MALRD1: variants seen among roughly 807,000 people sequenced by gnomAD.
The protein encoded by MALRD1 is MAM and LDL-receptor class A domain-containing protein 1.
A neutral mutation model predicts 242.1 loss-of-function variants in MALRD1; 247 were observed. The observed-to-expected ratio is 1.02, with a 90% CI of 0.92 to 1.13. The LOEUF (loss-of-function observed/expected upper bound fraction) is 1.13. Among genes scored for constraint, MALRD1 ranks in the 50% most tolerant of loss-of-function variants. MALRD1 has a pLI of 0.00. For missense variants in MALRD1, 2,989 were observed against 2,533.1 expected (o/e 1.18, Z -3.86); for synonymous variants, 995 against 866.6 (o/e 1.15, Z -2.60).
chr10:19,728,763 C>T (rs1309767728), intron 38 of MALRD1, among the ~76,000 whole-genome samples: 2 of 152,142 alleles, frequency 1.3e-5, no homozygotes, highest in Non-Finnish European at 2.9e-5. Flanking sequence ...TATTTTGATG[C>T]ATTTCAAAAC....
At chr10:19,485,511 C>T (rs1004720092) in intron 29 of MALRD1, among the ~76,000 whole-genome samples, 9 of 151,778 alleles carry the variant, frequency 5.9e-5, no homozygotes, top group East Asian at 3.9e-4. Context: ...GGCGTGGTGG[C>T]GGGCACCTGT....
intron 18 of MALRD1, among the ~76,000 whole-genome samples, chr10:19,235,231 C>G (rs1162002581): frequency 3.9e-5 from 6 of 152,062 alleles, no homozygotes; most frequent in South Asian, 2.1e-4. Context: ...AGGGCTATAG[C>G]TAAAAATATA....
chr10:19,728,066 T>C (rs570398799), intron 38 of MALRD1, among the ~76,000 whole-genome samples: 1 of 152,266 alleles, frequency 6.6e-6, no homozygotes, highest in South Asian at 2.1e-4. Context: ...AAAATTTAAG[T>C]CTAATAGTCC....
chr10:19,639,993 T>C (rs957333708), intron 36 of MALRD1, among the ~76,000 whole-genome samples: 2 of 152,166 alleles, frequency 1.3e-5, no homozygotes, highest in African/African-American at 4.8e-5. Context: ...GTCAAGTCAC[T>C]TTCTTTCCCC....
chr10:19,240,609 T>C (rs1208980230), intron 18 of MALRD1, among the ~76,000 whole-genome samples: 1 of 152,062 alleles, frequency 6.6e-6, no homozygotes, highest in Non-Finnish European at 1.5e-5. Context: ...CTATGCTAAA[T>C]AGAAGTGGTA....
chr10:19,626,742 AT>A, intron 36 of MALRD1, among the ~76,000 whole-genome samples: 1 of 152,034 alleles, frequency 6.6e-6, no homozygotes, highest in East Asian at 1.9e-4. Flanking sequence ...AAAAAAAAAA[AT>A]GAACAAACCA....
In MALRD1 at chr10:19,146,203, C is replaced by T; in HGVS notation, c.1417C>T (p.His473Tyr). 7 of 1,231,650 alleles carry T rather than the reference C, an allele frequency of 5.7e-6. No homozygotes were observed. Among genetic ancestry groups the T allele is most frequent in the Non-Finnish European group, 7.1e-6 (7 of 987,922 alleles). 76.3% of individuals were successfully genotyped at this position (1,231,650 alleles called of 1,614,324 possible). A position where few individuals can be genotyped will look rare whatever the true frequency, so the allele number is the denominator to read the frequency against. ...SDEDPATCSK[H>Y]LTCDFESGFC... Reference sequence around the variant, plus strand: ...TTCTCTTCTACGTGTAACAGCAAAGCATCTCACCTGTGACTTTGAGTCGGG... The same window carrying T: ...TTCTCTTCTACGTGTAACAGCAAAGTATCTCACCTGTGACTTTGAGTCGGG... The change falls in exon 11 of 40, where the codon CAT (histidine) becomes TAT (tyrosine). Residue 473 changes from histidine to tyrosine, a missense_variant. By Grantham distance (83) the His-to-Tyr change is moderately conservative. Transcript: ENST00000454679.
chr10:19,281,091 G>GA (rs1337873596), intron 20 of MALRD1, among the ~76,000 whole-genome samples: 5 of 151,548 alleles, frequency 3.3e-5, no homozygotes, highest in East Asian at 1.9e-4. Context: ...TTTTAATCTA[G>GA]AAAAAAATGT....
At chr10:19,344,608 C>T (rs1844026780) in intron 24 of MALRD1, among the ~76,000 whole-genome samples, 2 of 150,896 alleles carry the variant, frequency 1.3e-5, no homozygotes, top group South Asian at 2.1e-4. Context: ...TCTTCTTATA[C>T]AAAATTGTTT....
intron 21 of MALRD1, among the ~76,000 whole-genome samples, chr10:19,286,230 T>A (rs969023891): frequency 6.7e-6 from 1 of 149,970 alleles, no homozygotes; most frequent in Non-Finnish European, 1.5e-5. Flanking sequence ...CTTTTCCTAA[T>A]TGAATACCTT....
chr10:19,709,243 T>TAAAAAAAAAAAAAAAAAAAAAAAAAAAAA (rs557818453), intron 38 of MALRD1, among the ~76,000 whole-genome samples: 1 of 105,970 alleles, frequency 9.4e-6, no homozygotes, highest in African/African-American at 3.6e-5. Flanking sequence ...CCGTCTGTAC[T>TAAAAAAAAAAAAAAAAAAAAAAAAAAAAA]AAAAAAAAAA....
intron 26 of MALRD1, among the ~76,000 whole-genome samples, chr10:19,382,255 A>C (rs533922655): frequency 3.9e-4 from 60 of 152,116 alleles, no homozygotes; most frequent in African/African-American, 1.4e-3. Flanking sequence ...AAATAAATAG[A>C]ATTTTGACAT....
intron 12 of MALRD1, 38 bp from the exon 13 acceptor site, chr10:19,165,599 A>T (rs1834655442): frequency 8.2e-7 from 1 of 1,213,068 alleles, no homozygotes; most frequent in Non-Finnish European, 1.0e-6. Context: ...AGACAGGTCA[A>T]TGGAATATTT....
At chr10:19,439,997 T>G (rs1355021476) in intron 28 of MALRD1, among the ~76,000 whole-genome samples, 1 of 152,182 alleles carries the variant, frequency 6.6e-6, no homozygotes, top group African/African-American at 2.4e-5. Flanking sequence ...TCCAGTCCAT[T>G]GCTTCTCCCT....
intron 33 of MALRD1, among the ~76,000 whole-genome samples, chr10:19,570,939 T>C (rs1265860931): frequency 6.6e-6 from 1 of 152,130 alleles, no homozygotes; most frequent in African/African-American, 2.4e-5. Flanking sequence ...ATGATACATA[T>C]AATTATTAGA....
intron 38 of MALRD1, among the ~76,000 whole-genome samples, chr10:19,719,216 A>ATGTGTG (rs1491406524): frequency 3.5e-5 from 2 of 56,588 alleles, no homozygotes; most frequent in East Asian, 4.2e-4. Context: ...ATATATACAC[A>ATGTGTG]TACATACATA....
At chr10:19,563,030 T>G (rs202057296) in intron 32 of MALRD1, among the ~76,000 whole-genome samples, 170 of 151,492 alleles carry the variant, frequency 1.1e-3, no homozygotes, top group Middle Eastern at 3.4e-3. Context: ...TTTATTCAGC[T>G]TTTTTTTGTG....
In MALRD1 at chr10:19,101,684, G is replaced by A. The variant is rs1359765380; in HGVS notation, c.598-2295G>A. On this transcript the variant is annotated intron_variant, in intron 4 of 39. Transcript: ENST00000454679. ...GTACATCTATGTATATAAGATATAG[G>A]TATATTATACATATATGTATATATA... Among the ~76,000 whole-genome samples the A allele has an allele frequency of 1.1e-4, 15 of 131,456 alleles. No individual in the cohort carries two copies. The East Asian group carries it at 1.7e-3, about 15-fold the overall frequency. The allele number at this position is 131,456 out of a possible 152,430, so 86.2% of individuals were successfully genotyped here. A position where few individuals can be genotyped will look rare whatever the true frequency, so the allele number is the denominator to read the frequency against.
intron 38 of MALRD1, among the ~76,000 whole-genome samples, chr10:19,705,444 G>A (rs1589424044): frequency 6.6e-6 from 1 of 152,136 alleles, no homozygotes. Context: ...GTGTCCACAT[G>A]TGCCTTCGCC....
Sources: gnomAD v4.1 joint callset for allele counts (sites outside exome capture counted in the v4.1 genomes callset) on GRCh38, gnomAD v4.1.1 for gene constraint, MANE v1.5 for transcripts, NCBI Gene and HGNC (gene_info 2026-07-23, HGNC 2026-07-21) for gene names.